DLG2: variants seen among roughly 807,000 people sequenced by gnomAD.
The protein encoded by DLG2 is discs large MAGUK scaffold protein 2, also known as disks large homolog 2.
In DLG2, 45 loss-of-function variants were observed where a neutral mutation model predicts 132.5. That is an observed-to-expected ratio of 0.34 (90% CI 0.27 to 0.44). The LOEUF (loss-of-function observed/expected upper bound fraction) is 0.44, where lower values mean the gene tolerates loss of function less well. DLG2 is among the 20% of genes least tolerant of loss of function. The pLI is 1.00. For synonymous variants in DLG2, 424 were observed against 419.6 expected (o/e 1.01, Z -0.13); for missense variants, 1,045 against 1,196.9 (o/e 0.87, Z 1.87).
chr11:83,490,558 T>C (rs1451354154), intron 21 of DLG2, among the ~76,000 whole-genome samples: 1 of 151,942 alleles, frequency 6.6e-6, no homozygotes, highest in Non-Finnish European at 1.5e-5. Flanking sequence ...GAATAGGATA[T>C]TTATCTCTTC....
chr11:85,573,799 G>A (rs2077986480), intron 3 of DLG2, among the ~76,000 whole-genome samples: 1 of 152,164 alleles, frequency 6.6e-6, no homozygotes, highest in African/African-American at 2.4e-5. Context: ...CATTAGCAAT[G>A]ATCTTGATAA....
intron 6 of DLG2, among the ~76,000 whole-genome samples, chr11:84,663,744 G>T (rs571351615): frequency 4.6e-4 from 70 of 152,168 alleles, no homozygotes; most frequent in African/African-American, 1.7e-3. Context: ...CTGTTTGTAG[G>T]CCCCTTATAT....
intron 6 of DLG2, among the ~76,000 whole-genome samples, chr11:84,959,467 T>C (rs564924476): frequency 3.0e-4 from 46 of 152,262 alleles, no homozygotes; most frequent in African/African-American, 1.1e-3. Flanking sequence ...CCTTCTAGAG[T>C]ATTTACACTT....
intron 3 of DLG2, among the ~76,000 whole-genome samples, chr11:85,502,806 T>C (rs1052314202): frequency 3.9e-5 from 6 of 152,084 alleles, no homozygotes; most frequent in Admixed American, 3.9e-4. Flanking sequence ...ATTCCAGAAG[T>C]TAAAGTAAAA....
At chr11:84,304,061 T>C (rs886448613) in intron 7 of DLG2, among the ~76,000 whole-genome samples, 21 of 152,228 alleles carry the variant, frequency 1.4e-4, no homozygotes, top group African/African-American at 4.8e-4. Flanking sequence ...AAAGTATCAA[T>C]ACTTATCCAT....
intron 4 of DLG2, among the ~76,000 whole-genome samples, chr11:85,191,162 GCACA>G (rs3067460): frequency 0.059 from 8,254 of 139,844 alleles, 337 homozygotes; most frequent in Non-Finnish European, 0.068. Flanking sequence ...GCGCACGCGC[GCACA>G]CACACACACA....
At chr11:84,323,183 T>C (rs2098414107) in intron 7 of DLG2, among the ~76,000 whole-genome samples, 1 of 152,098 alleles carries the variant, frequency 6.6e-6, no homozygotes, top group Non-Finnish European at 1.5e-5. Flanking sequence ...CTACACCCAT[T>C]GAACAACAAA....
intron 7 of DLG2, among the ~76,000 whole-genome samples, chr11:84,509,720 T>C (rs2099251856): frequency 6.6e-6 from 1 of 152,162 alleles, no homozygotes; most frequent in African/African-American, 2.4e-5. Flanking sequence ...AAATAGTGGG[T>C]GAATTGAGAA....
intron 3 of DLG2, among the ~76,000 whole-genome samples, chr11:85,471,997 G>A (rs916644384): frequency 6.6e-6 from 1 of 152,116 alleles, no homozygotes; most frequent in Non-Finnish European, 1.5e-5. Flanking sequence ...GATCACAGCA[G>A]GAGGCAGACA....
intron 18 of DLG2, among the ~76,000 whole-genome samples, chr11:83,750,316 C>T (rs1261383109): frequency 2.0e-5 from 3 of 152,106 alleles, no homozygotes; most frequent in Non-Finnish European, 2.9e-5. Context: ...ATAATACTAT[C>T]GACAAGTATG....
chr11:84,858,501 T>C (rs2154027123), intron 6 of DLG2, among the ~76,000 whole-genome samples: 1 of 152,218 alleles, frequency 6.6e-6, no homozygotes, highest in South Asian at 2.1e-4. Flanking sequence ...CAGAGCTCTC[T>C]TCTTACTGAT....
intron 6 of DLG2, among the ~76,000 whole-genome samples, chr11:84,841,146 A>G (rs550851823): frequency 1.6e-4 from 24 of 152,036 alleles, no homozygotes; most frequent in Middle Eastern, 6.8e-3. Flanking sequence ...AAAGCTTTAA[A>G]ATCCGTAAAA....
At chr11:83,769,517 G>A (rs553148375) in intron 18 of DLG2, among the ~76,000 whole-genome samples, 43 of 150,320 alleles carry the variant, frequency 2.9e-4, no homozygotes, top group Admixed American at 1.5e-3. Context: ...GGGATGGAGT[G>A]TATGGTTAGG....
chr11:83,657,824 G>T (rs1412282258), intron 18 of DLG2, among the ~76,000 whole-genome samples: 2 of 152,180 alleles, frequency 1.3e-5, no homozygotes. Flanking sequence ...ACAGGCGTGA[G>T]CCACCGCGCC....
chr11:83,698,261 A>G (rs1302318256), intron 18 of DLG2, among the ~76,000 whole-genome samples: 1 of 152,142 alleles, frequency 6.6e-6, no homozygotes, highest in African/African-American at 2.4e-5. Context: ...TTGGCTAAAA[A>G]CCCTGTTTCA....
intron 17 of DLG2, among the ~76,000 whole-genome samples, chr11:83,798,886 T>G (rs1400232603): frequency 1.3e-5 from 2 of 152,208 alleles, no homozygotes; most frequent in Admixed American, 1.3e-4. Context: ...AAAATGTAAG[T>G]TCTGTTGCCA....
chr11:83,567,478 T>C (rs1204698884), intron 19 of DLG2, among the ~76,000 whole-genome samples: 3 of 152,200 alleles, frequency 2.0e-5, no homozygotes, highest in Non-Finnish European at 2.9e-5. Flanking sequence ...TATAAAATGT[T>C]ATTTTATCCA....
rs1474886057 is a variant in DLG2, at chr11:84,533,676, T to C, written c.519+894A>G. On this transcript the variant is annotated intron_variant, in intron 7 of 27. Transcript: ENST00000376104. ...CACGGGAGACACTTTTATGTCTTTA[T>C]TTTTTATTGTAGCACAGCTGTGTAG... Among the ~76,000 whole-genome samples the C allele has an allele frequency of 2.6e-5, 4 of 152,098 alleles. No homozygotes were observed. The East Asian group carries it at 7.7e-4, about 29-fold the overall frequency.
rs2099436767 is a variant in DLG2 at position 84,563,589 on chromosome 11, G to T, written c.358-28858C>A. On this transcript the variant is annotated intron_variant, in intron 6 of 27. Coordinates refer to ENST00000376104, the MANE Select transcript of DLG2 (RefSeq NM_001142699.3). ...GCAAAATGGCACAGCTGCCAGGTGAGGTTCAGATGCTGTCTGTGTTTTAGG... is the reference window on the plus strand; with the variant it reads ...GCAAAATGGCACAGCTGCCAGGTGATGTTCAGATGCTGTCTGTGTTTTAGG... Among the ~76,000 whole-genome samples the T allele has an allele frequency of 2.6e-5, 4 of 152,314 alleles. 1 individual carries two copies. In the South Asian group the frequency reaches 8.3e-4, roughly 32 times the overall value.
Sources: gnomAD v4.1 joint callset for allele counts (sites outside exome capture counted in the v4.1 genomes callset) on GRCh38, gnomAD v4.1.1 for gene constraint, MANE v1.5 for transcripts, NCBI Gene and HGNC (gene_info 2026-07-23, HGNC 2026-07-21) for gene names.